The following NTRK3 variants were observed in gnomAD, a reference collection of about 807,000 sequenced individuals.
NTRK3 encodes the protein neurotrophic receptor tyrosine kinase 3.
In NTRK3, 24 loss-of-function variants were observed where a neutral mutation model predicts 91.7. The observed-to-expected ratio is 0.26, with a 90% CI of 0.19 to 0.37. The LOEUF (loss-of-function observed/expected upper bound fraction) is 0.37. NTRK3 is among the 10% of genes least tolerant of loss of function. The pLI, the probability that NTRK3 is intolerant of heterozygous loss-of-function variation, is 1.00. For synonymous variants in NTRK3, 483 were observed against 404.0 expected (o/e 1.20, Z -2.34); for missense variants, 880 against 1,068.9 (o/e 0.82, Z 2.46).
chr15:87,965,741 T>A (rs971201945), intron 14 of NTRK3, among the ~76,000 whole-genome samples: 8 of 152,248 alleles, frequency 5.3e-5, no homozygotes, highest in Admixed American at 3.3e-4. Flanking sequence ...CTGCCATTTT[T>A]ATTTAAACAT....
intron 13 of NTRK3, among the ~76,000 whole-genome samples, chr15:88,123,121 A>G (rs1188774575): frequency 6.6e-6 from 1 of 152,190 alleles, no homozygotes; most frequent in Non-Finnish European, 1.5e-5. Flanking sequence ...AAAGGAACCT[A>G]TGAAGGTTTA....
intron 3 of NTRK3, among the ~76,000 whole-genome samples, chr15:88,223,217 G>A (rs1191221855): frequency 6.6e-6 from 1 of 152,248 alleles, no homozygotes; most frequent in Non-Finnish European, 1.5e-5. Flanking sequence ...AATCAGCCGA[G>A]TGGAATGTCC....
chr15:87,877,086 T>C (rs760884803), exon 19 of NTRK3: 1 of 1,613,996 alleles, frequency 6.2e-7, no homozygotes. Flanking sequence ...TCGGGGCCGC[T>C]CCAAAACACG....
At chr15:88,176,589 G>T (rs1371412287) in intron 5 of NTRK3, among the ~76,000 whole-genome samples, 1 of 152,194 alleles carries the variant, frequency 6.6e-6, no homozygotes, top group African/African-American at 2.4e-5. Flanking sequence ...TTCTAGTCCT[G>T]GCTCAGCTCT....
At chr15:88,094,172 A>C (rs151180880) in intron 13 of NTRK3, among the ~76,000 whole-genome samples, 1 of 152,312 alleles carries the variant, frequency 6.6e-6, no homozygotes, top group East Asian at 1.9e-4. Flanking sequence ...GGGCTTAAGA[A>C]TAAAAAGAAG....
At chr15:87,877,490 C>G (rs1361965570) in intron 18 of NTRK3, among the ~76,000 whole-genome samples, 1 of 152,150 alleles carries the variant, frequency 6.6e-6, no homozygotes, top group Non-Finnish European at 1.5e-5. Flanking sequence ...ACATGGGCTT[C>G]TGACCTGTCC....
At chr15:88,245,725 G>C (rs1232810029) in intron 3 of NTRK3, among the ~76,000 whole-genome samples, 1 of 152,110 alleles carries the variant, frequency 6.6e-6, no homozygotes, top group Non-Finnish European at 1.5e-5. Flanking sequence ...CGTGCTCATT[G>C]AAATCTTATA....
At chr15:87,971,317 G>C (rs1381322650) in intron 14 of NTRK3, among the ~76,000 whole-genome samples, 1 of 152,176 alleles carries the variant, frequency 6.6e-6, no homozygotes, top group East Asian at 1.9e-4. Context: ...CAACCAGAGA[G>C]CATCACAGAT....
At chr15:88,091,713 G>A (rs980365369) in intron 13 of NTRK3, among the ~76,000 whole-genome samples, 2 of 152,352 alleles carry the variant, frequency 1.3e-5, no homozygotes, top group East Asian at 1.9e-4. Flanking sequence ...ATGGACACAA[G>A]GGTGGGAGAT....
At chr15:88,093,056 GT>G (rs1054739944) in intron 13 of NTRK3, among the ~76,000 whole-genome samples, 1 of 146,794 alleles carries the variant, frequency 6.8e-6, no homozygotes, top group African/African-American at 2.5e-5. Flanking sequence ...TGGCTTTGGG[GT>G]TTTTTTTGTT....
intron 3 of NTRK3, among the ~76,000 whole-genome samples, chr15:88,190,030 A>G (rs1426936531): frequency 6.6e-6 from 1 of 152,198 alleles, no homozygotes; most frequent in Non-Finnish European, 1.5e-5. Context: ...GTCAACAGGG[A>G]CAAGGCACCC....
At chr15:87,876,759 GT>G (rs369549532) in exon 19 of NTRK3, 75 of 557,000 alleles carry the variant, frequency 1.3e-4, no homozygotes, top group African/African-American at 9.3e-4. Flanking sequence ...GCCTTACAGG[GT>G]TTTTTTTTCT....
At chr15:88,227,851 A>G (rs1183654149) in intron 3 of NTRK3, among the ~76,000 whole-genome samples, 1 of 151,496 alleles carries the variant, frequency 6.6e-6, no homozygotes, top group Non-Finnish European at 1.5e-5. Context: ...AGTACCAAGC[A>G]TTCCCCTTGC....
chr15:87,906,291 G>A (rs1057169354), intron 17 of NTRK3, among the ~76,000 whole-genome samples: 1 of 152,226 alleles, frequency 6.6e-6, no homozygotes, highest in Non-Finnish European at 1.5e-5. Flanking sequence ...TGCCTGGCTA[G>A]AGCAGGTGTT....
intron 5 of NTRK3, among the ~76,000 whole-genome samples, chr15:88,155,413 C>T (rs765055087): frequency 6.6e-6 from 1 of 152,146 alleles, no homozygotes; most frequent in African/African-American, 2.4e-5. Flanking sequence ...GAAAGAAATG[C>T]TGACCTCCCT....
intron 14 of NTRK3, among the ~76,000 whole-genome samples, chr15:88,024,405 A>G (rs919515353): frequency 6.6e-6 from 1 of 152,202 alleles, no homozygotes; most frequent in African/African-American, 2.4e-5. Context: ...CTCTATCCCC[A>G]GGGCCTAACA....
chr15:88,170,630 T>A (rs1230613633), intron 5 of NTRK3, among the ~76,000 whole-genome samples: 2 of 152,184 alleles, frequency 1.3e-5, no homozygotes. Context: ...AGGTCTGCAC[T>A]CTTTCTATGT....
chr15:88,009,736 G>A (rs994480781), intron 14 of NTRK3, among the ~76,000 whole-genome samples: 1 of 152,168 alleles, frequency 6.6e-6, no homozygotes, highest in Non-Finnish European at 1.5e-5. Context: ...TTTGCAGCTT[G>A]TAAGCACTGG....
At chr15:88,102,085 C>T (rs2050234609) in intron 13 of NTRK3, among the ~76,000 whole-genome samples, 1 of 152,024 alleles carries the variant, frequency 6.6e-6, no homozygotes, top group African/African-American at 2.4e-5. Context: ...TCCCCAACCA[C>T]CAGAACCACA....
Sources: allele counts gnomAD v4.1 joint callset (sites outside exome capture counted in the v4.1 genomes callset), GRCh38; gene constraint gnomAD v4.1.1; transcripts MANE v1.5; gene names NCBI Gene and HGNC (gene_info 2026-07-23, HGNC 2026-07-21).